The following ZNF681 variants were observed in gnomAD, a reference collection of about 807,000 sequenced individuals.
ZNF681 encodes the protein zinc finger protein 681.
In ZNF681, 37 loss-of-function variants were observed where a neutral mutation model predicts 56.0. The observed-to-expected ratio is 0.66, with a 90% CI of 0.51 to 0.87. The LOEUF (loss-of-function observed/expected upper bound fraction) is 0.87, where lower values mean the gene tolerates loss of function less well. Among genes scored for constraint, ZNF681 ranks in the 40% least tolerant of loss-of-function variants. The pLI, the probability that ZNF681 is intolerant of heterozygous loss-of-function variation, is 0.00. For synonymous variants in ZNF681, 225 were observed against 248.6 expected (o/e 0.91, Z 0.89); for missense variants, 741 against 744.9 (o/e 0.99, Z 0.06).
At chr19:23,755,284 A>T in intron 2 of ZNF681, 141 bp downstream of exon 2, 1 of 1,133,000 alleles carries the variant, frequency 8.8e-7, no homozygotes, top group Non-Finnish European at 1.2e-6. Flanking sequence ...TTTTCTACAG[A>T]GATGAATCCC....
intron 3 of ZNF681, among the ~76,000 whole-genome samples, chr19:23,751,041 ATTGC>A (rs4020524): frequency 0.98 from 142,123 of 145,512 alleles, 69,492 homozygotes; most frequent in Non-Finnish European, 1. Context: ...AGGCAGGAGA[ATTGC>A]TTGAACCTGG....
At chr19:23,753,947 G>A (rs1969075062) in intron 3 of ZNF681, among the ~76,000 whole-genome samples, 2 of 148,564 alleles carry the variant, frequency 1.3e-5, no homozygotes, top group Non-Finnish European at 3.0e-5. Context: ...GCGTTTTACA[G>A]TAATGAAAAA....
chr19:23,747,342 T>C (rs1337451770), intron 3 of ZNF681, among the ~76,000 whole-genome samples: 1 of 152,018 alleles, frequency 6.6e-6, no homozygotes, highest in Admixed American at 6.6e-5. Flanking sequence ...ATAATTTCTA[T>C]AAAAATCCCC....
chr19:23,753,827 A>ACTTCAG (rs1969072475), intron 3 of ZNF681, among the ~76,000 whole-genome samples: 1 of 138,086 alleles, frequency 7.2e-6, no homozygotes, highest in East Asian at 2.2e-4. Flanking sequence ...GTGCCACTGC[A>ACTTCAG]CTTCAGCCTG....
intron 3 of ZNF681, among the ~76,000 whole-genome samples, chr19:23,752,844 C>T (rs1006491440): frequency 7.2e-5 from 11 of 152,108 alleles, no homozygotes; most frequent in African/African-American, 2.4e-4. Context: ...TTTTGCCTAT[C>T]GTCAATGCTT....
Position 23,744,589 on chromosome 19 carries a change from G to A in ZNF681, c.961C>T (p.Gln321Ter). Reference protein sequence around the residue: ...EYKECGKAFNQSSHLTRHKII... With the variant: ...EYKECGKAFN Reference sequence around the variant, plus strand: ...TTATGTCTGGTAAGGTGTGAGGACTGGTTGAAAGCTTTGCCACATTCCTTA... The same window carrying A: ...TTATGTCTGGTAAGGTGTGAGGACTAGTTGAAAGCTTTGCCACATTCCTTA... Residue 321 changes from glutamine (Q) to a stop codon, truncating the protein, a stop_gained, in exon 4 of 4, where the codon CAG becomes TAG. Coordinates refer to ENST00000402377, the MANE Select transcript of ZNF681 (RefSeq NM_138286.3). LOFTEE classifies it high-confidence loss of function. The A allele has an allele frequency of 6.2e-7, 1 of 1,613,954 alleles. No homozygotes were observed. The highest frequency in any genetic ancestry group is 8.5e-7 in the Non-Finnish European group (1 of 1,179,968).
At chr19:23,757,594 ATACTT>A (rs1320368190) in intron 1 of ZNF681, among the ~76,000 whole-genome samples, 1 of 152,114 alleles carries the variant, frequency 6.6e-6, no homozygotes, top group African/African-American at 2.4e-5. Context: ...CATAAAATAT[ATACTT>A]TATTTTTTTA....
intron 2 of ZNF681, 98 bp downstream of exon 2, chr19:23,755,327 C>T (rs1407629583): frequency 2.8e-6 from 4 of 1,413,900 alleles, no homozygotes. Context: ...ATCTGAAACT[C>T]ACTTATGCAA....
intron 1 of ZNF681, 95 bp downstream of exon 1, chr19:23,758,652 A>T (rs1969163715): frequency 6.3e-7 from 1 of 1,595,214 alleles, no homozygotes; most frequent in Non-Finnish European, 8.6e-7. Flanking sequence ...GGCGAGGAGA[A>T]CTCAGGGCGC....
In ZNF681 at chr19:23,746,734, C is replaced by T. The variant is rs146407804; in HGVS notation, c.227-1411G>A. On this transcript the variant is annotated intron_variant, in intron 3 of 3. Transcript: ENST00000402377. The stretch of plus-strand genomic sequence containing the variant: ...CCATAGATAAACTAGGCTTAACAGA[C>T]ATGTAAACTACTTTCCAGTTAAAAG... Among the ~76,000 whole-genome samples the T allele has an allele frequency of 5.2e-4, 79 of 152,320 alleles. No homozygotes were observed. The East Asian group carries it at 0.011, about 21-fold the overall frequency.
At chr19:23,747,129 T>C (rs984068849) in intron 3 of ZNF681, among the ~76,000 whole-genome samples, 1 of 151,848 alleles carries the variant, frequency 6.6e-6, no homozygotes, top group African/African-American at 2.4e-5. Context: ...CAACAACAAA[T>C]AAATGTAAGA....
chr19:23,746,051 A>G (rs1183047672), intron 3 of ZNF681, among the ~76,000 whole-genome samples: 1 of 152,196 alleles, frequency 6.6e-6, no homozygotes, highest in African/African-American at 2.4e-5. Flanking sequence ...GCGGTGGCTC[A>G]TGCCTGTAAT....
chr19:23,754,799 G>A (rs779468524), intron 3 of ZNF681, 24 bp downstream of exon 3: 32 of 1,572,344 alleles, frequency 2.0e-5, no homozygotes, highest in Non-Finnish European at 2.7e-5. Context: ...GTTATCTGTT[G>A]TATTCACTTT....
chr19:23,743,416 ATAT>A lies in ZNF681; in HGVS notation c.*193_*195del, dbSNP rs992542541. On this transcript the variant is annotated 3_prime_UTR_variant, in exon 4 of 4. Transcript: ENST00000402377. ...CTGATGTTGAGTAAGATGTGAACAG[ATAT>A]TAATGGCTTTTTCACATTCTGTATA... 2 of 454,526 alleles carry A rather than the reference ATAT, an allele frequency of 4.4e-6. No individual in the cohort carries two copies. Among genetic ancestry groups the A allele is most frequent in the Non-Finnish European group, 7.6e-6 (2 of 263,312 alleles). The allele number at this position is 454,526 out of a possible 1,614,324, so 28.2% of individuals were successfully genotyped here. A position where few individuals can be genotyped will look rare whatever the true frequency, so the allele number is the denominator to read the frequency against.
Position 23,744,435 on chromosome 19 carries a change from C to CCA in ZNF681, c.1113_1114dup (p.Gly372ValfsTer16), listed in dbSNP as rs761939550. 5 of 1,578,370 alleles carry CCA rather than the reference C, an allele frequency of 3.2e-6. No individual in the cohort carries two copies. Among genetic ancestry groups the CCA allele is most frequent in the Non-Finnish European group, 4.3e-6 (5 of 1,159,180 alleles). On this transcript the variant is annotated frameshift_variant, in exon 4 of 4. Coordinates refer to ENST00000402377, the MANE Select transcript of ZNF681 (RefSeq NM_138286.3). LOFTEE classifies it high-confidence loss of function. ...GTGTGAGGACTGCCTAAAGGCTTTG[C>CCA]CACATTCTTCACATCTGTAGGGCTT...
Position 23,742,237 on chromosome 19 carries a change from A to T in ZNF681, c.*1375T>A, listed in dbSNP as rs1371589427. 1 of 152,164 alleles carries T rather than the reference A, an allele frequency of 6.6e-6. No homozygotes were observed. Among genetic ancestry groups the T allele is most frequent in the Non-Finnish European group, 1.5e-5 (1 of 68,034 alleles). The allele number at this position is 152,164 out of a possible 1,614,324, so 9.4% of individuals were successfully genotyped here. A position where few individuals can be genotyped will look rare whatever the true frequency, so the allele number is the denominator to read the frequency against. ...CCAGGCATGGTGACTCGCGCCTGTAATCCCAGCACTTTGGGAGGCCGAGGT... is the reference window on the plus strand; with the variant it reads ...CCAGGCATGGTGACTCGCGCCTGTATTCCCAGCACTTTGGGAGGCCGAGGT... On this transcript the variant is annotated 3_prime_UTR_variant, in exon 4 of 4. Coordinates refer to ENST00000402377, the MANE Select transcript of ZNF681 (RefSeq NM_138286.3).
rs1043158568 is a variant in ZNF681, at chr19:23,744,187, A to G, written c.1363T>C (p.Cys455Arg). The change falls in exon 4 of 4, where the codon TGT becomes CGT. Residue 455 changes from cysteine to arginine, a missense_variant. Physicochemically the swap from Cys to Arg is radical, Grantham distance 180. Transcript: ENST00000402377. Reference protein sequence around the residue: ...TEEKPYKCEECGKAFNQFSNL... With the variant: ...TEEKPYKCEERGKAFNQFSNL... ...GAGAACTGGTTAAAGGCTTTCCCAC[A>G]TTCTTCACATTTGTATGGTTTCTCT... 4 of 1,613,454 alleles carry G rather than the reference A, an allele frequency of 2.5e-6. No homozygotes were observed. Among genetic ancestry groups the G allele is most frequent in the Admixed American group, 1.7e-5 (1 of 59,952 alleles).
In ZNF681 at chr19:23,745,137, T is replaced by C; in HGVS notation, c.413A>G (p.Gln138Arg). 1 of 1,611,832 alleles carries C rather than the reference T, an allele frequency of 6.2e-7. No individual in the cohort carries two copies. Among genetic ancestry groups the C allele is most frequent in the Non-Finnish European group, 8.5e-7 (1 of 1,179,512 alleles). The change falls in exon 4 of 4, where the codon CAG becomes CGG. Residue 138 changes from glutamine to arginine, a missense_variant. Physicochemically the swap from Gln to Arg is conservative, Grantham distance 43. Coordinates refer to ENST00000402377, the MANE Select transcript of ZNF681 (RefSeq NM_138286.3). Reference protein sequence around the residue: ...NGLNQCLPTTQSKIFQCDKYM... With the variant: ...NGLNQCLPTTRSKIFQCDKYM... ...TTTATCACATTGAAATATTTTGCTC[T>C]GGGTAGTTGGCAAACATTGGTTAAG... is the stretch of plus-strand genomic sequence containing the variant.
At chr19:23,756,770 C>A (rs1371421950) in intron 1 of ZNF681, among the ~76,000 whole-genome samples, 1 of 151,764 alleles carries the variant, frequency 6.6e-6, no homozygotes, top group African/African-American at 2.4e-5. Flanking sequence ...TGTCACAAAC[C>A]TACACGTTCT....
Sources: gnomAD v4.1 joint callset for allele counts (sites outside exome capture counted in the v4.1 genomes callset) on GRCh38, gnomAD v4.1.1 for gene constraint, MANE v1.5 for transcripts, NCBI Gene and HGNC (gene_info 2026-07-23, HGNC 2026-07-21) for gene names.